NBAS: variants seen among roughly 807,000 people sequenced by gnomAD.
NBAS encodes the protein NAG/BC035112 fusion.
A neutral mutation model predicts 302.5 loss-of-function variants in NBAS; 219 were observed. The ratio of observed to expected loss-of-function variants is 0.72; its 90% confidence interval spans 0.65 to 0.81. NBAS has a LOEUF of 0.81. Among genes scored for constraint, NBAS ranks in the 30% least tolerant of loss-of-function variants. The pLI is 0.00. For missense variants in NBAS, 2,932 were observed against 2,841.6 expected (o/e 1.03, Z -0.72); for synonymous variants, 1,118 against 1,021.6 (o/e 1.09, Z -1.80).
At chr2:14,968,007 A>G in the NBAS span, among the ~76,000 whole-genome samples, 2 of 150,396 alleles carry the variant, frequency 1.3e-5, no homozygotes, top group Non-Finnish European at 3.0e-5. Context: ...CCCTAGCTCC[A>G]CCCCCTAGCC....
chr2:15,522,733 G>A (rs1012036191), intron 9 of NBAS, among the ~76,000 whole-genome samples: 64 of 152,154 alleles, frequency 4.2e-4, no homozygotes, highest in Non-Finnish European at 9.0e-4. Flanking sequence ...AATACCACAG[G>A]GTTATGGGCG....
intron 40 of NBAS, among the ~76,000 whole-genome samples, chr2:15,297,133 G>A (rs546149441): frequency 3.3e-5 from 5 of 152,298 alleles, no homozygotes; most frequent in African/African-American, 1.2e-4. Flanking sequence ...TGTAGGACAG[G>A]CATCTCTTAC....
At chr2:15,159,801 G>A in the NBAS span, among the ~76,000 whole-genome samples, 3 of 124,842 alleles carry the variant, frequency 2.4e-5, no homozygotes, top group African/African-American at 3.4e-5. Flanking sequence ...ACACACACGC[G>A]TGCACACACA....
chr2:15,180,670 A>G (rs1664777352), intron 50 of NBAS, among the ~76,000 whole-genome samples: 1 of 152,242 alleles, frequency 6.6e-6, no homozygotes, highest in African/African-American at 2.4e-5. Flanking sequence ...CACATTCTGT[A>G]TCTGCACTGC....
At chr2:14,874,913 T>C in the NBAS span, among the ~76,000 whole-genome samples, 874 of 152,170 alleles carry the variant, frequency 5.7e-3, 2 homozygotes, top group Non-Finnish European at 0.01. Flanking sequence ...CATTTGGCTA[T>C]CACAATAGAT....
the NBAS span, among the ~76,000 whole-genome samples, chr2:15,083,450 C>T: frequency 6.6e-6 from 1 of 152,182 alleles, no homozygotes; most frequent in Non-Finnish European, 1.5e-5. Context: ...ACAAAATGTC[C>T]TAGTCTATTC....
At chr2:15,412,998 C>T (rs1676754544) in intron 25 of NBAS, among the ~76,000 whole-genome samples, 1 of 152,196 alleles carries the variant, frequency 6.6e-6, no homozygotes, top group Non-Finnish European at 1.5e-5. Context: ...TGACACTTAC[C>T]AGTCAGACTC....
At chr2:15,141,028 T>C in the NBAS span, among the ~76,000 whole-genome samples, 2 of 152,210 alleles carry the variant, frequency 1.3e-5, no homozygotes, top group Non-Finnish European at 2.9e-5. Context: ...CTATTATTCT[T>C]GTGTGATCTG....
chr2:15,154,296 AC>A, the NBAS span, among the ~76,000 whole-genome samples: 11 of 152,224 alleles, frequency 7.2e-5, no homozygotes, highest in African/African-American at 2.7e-4. Flanking sequence ...TCCCCAACTC[AC>A]TGCTGGACTT....
chr2:14,790,722 G>A, the NBAS span, among the ~76,000 whole-genome samples: 1 of 150,554 alleles, frequency 6.6e-6, no homozygotes, highest in East Asian at 1.9e-4. Flanking sequence ...TGCGATCTCG[G>A]CTCACCACAA....
intron 32 of NBAS, among the ~76,000 whole-genome samples, chr2:15,359,357 G>A (rs1485603865): frequency 6.6e-6 from 1 of 152,128 alleles, no homozygotes. Context: ...TTTTTGCCAG[G>A]TCTTTTAAAA....
chr2:15,523,334 G>GA (rs1002561805), intron 9 of NBAS, among the ~76,000 whole-genome samples: 2 of 151,610 alleles, frequency 1.3e-5, no homozygotes, highest in African/African-American at 2.4e-5. Flanking sequence ...AAATATTCAG[G>GA]AAAAAAAATG....
At chr2:14,917,186 C>T in the NBAS span, among the ~76,000 whole-genome samples, 1 of 152,300 alleles carries the variant, frequency 6.6e-6, no homozygotes, top group African/African-American at 2.4e-5. Flanking sequence ...TTTACAATTT[C>T]TCATGAAGCT....
the NBAS span, among the ~76,000 whole-genome samples, chr2:14,884,480 G>A: frequency 6.6e-6 from 1 of 152,154 alleles, no homozygotes; most frequent in East Asian, 1.9e-4. Context: ...GAAGAAGAGG[G>A]TAGGCTGAGG....
At chr2:14,889,647 T>G in the NBAS span, among the ~76,000 whole-genome samples, 2 of 152,336 alleles carry the variant, frequency 1.3e-5, no homozygotes, top group Non-Finnish European at 1.5e-5. Flanking sequence ...CTTCCAAGAT[T>G]CTATTTCCAA....
chr2:15,160,585 C>CGGGGGGGGGGGGGGGGGGGGGGGGG, the NBAS span, among the ~76,000 whole-genome samples: 2 of 92,300 alleles, frequency 2.2e-5, no homozygotes, highest in Admixed American at 1.1e-4. Context: ...CCAGTGTGGG[C>CGGGGGGGGGGGGGGGGGGGGGGGGG]GGGGGGAGGG....
chr2:15,436,192 A>G (rs192920884), intron 21 of NBAS, among the ~76,000 whole-genome samples: 68 of 152,352 alleles, frequency 4.5e-4, no homozygotes, highest in African/African-American at 1.4e-3. Context: ...CAAGCTGTGA[A>G]AACTTATTGC....
chr2:15,119,730 C>T, the NBAS span, among the ~76,000 whole-genome samples: 3 of 152,130 alleles, frequency 2.0e-5, no homozygotes, highest in Non-Finnish European at 4.4e-5. Context: ...AAGGAGAGCT[C>T]GGTCCCATGT....
intron 47 of NBAS, among the ~76,000 whole-genome samples, chr2:15,231,856 T>G (rs867412564): frequency 6.6e-6 from 1 of 152,198 alleles, no homozygotes; most frequent in Non-Finnish European, 1.5e-5. Flanking sequence ...AAGACTTTTA[T>G]GAATTTCGAG....
Sources: allele counts gnomAD v4.1 joint callset (sites outside exome capture counted in the v4.1 genomes callset), GRCh38; gene constraint gnomAD v4.1.1; transcripts MANE v1.5; gene names NCBI Gene and HGNC (gene_info 2026-07-23, HGNC 2026-07-21).